Variants in PIK3C2G observed in about 807,000 individuals in gnomAD.
PIK3C2G encodes phosphatidylinositol 3-kinase C2 domain-containing subunit gamma.
PIK3C2G carries 168 observed loss-of-function variants against 181.1 expected under a neutral mutation model. That is an observed-to-expected ratio of 0.93 (90% CI 0.82 to 1.05). PIK3C2G has a LOEUF of 1.05. Among genes scored for constraint, PIK3C2G ranks in the 50% least tolerant of loss-of-function variants. PIK3C2G has a pLI of 0.00. For missense variants in PIK3C2G, 1,869 were observed against 1,732.8 expected, an observed-to-expected ratio of 1.08 and a Z score of -1.40; for synonymous variants, 573 against 592.2, an observed-to-expected ratio of 0.97 and a Z score of 0.47.
At chr12:18,491,406 G>C (rs1592394038) in intron 19 of PIK3C2G, 45 bp from the exon 20 acceptor site, 1 of 1,015,284 alleles carries the variant, frequency 9.8e-7, no homozygotes, top group East Asian at 2.4e-5. Flanking sequence ...GAAAAGTCAA[G>C]TTCTTTACAT....
intron 13 of PIK3C2G, among the ~76,000 whole-genome samples, chr12:18,373,796 T>C (rs1942241565): frequency 6.6e-6 from 1 of 151,638 alleles, no homozygotes; most frequent in African/African-American, 2.4e-5. Context: ...GAGCTTGCAG[T>C]GAGCCAAATT....
intron 24 of PIK3C2G, among the ~76,000 whole-genome samples, chr12:18,535,653 T>A (rs1043807178): frequency 1.3e-5 from 2 of 152,126 alleles, no homozygotes; most frequent in Non-Finnish European, 2.9e-5. Flanking sequence ...AATACTCTTC[T>A]AAAATTATTT....
At chr12:18,426,870 T>C (rs1436019273) in intron 18 of PIK3C2G, among the ~76,000 whole-genome samples, 1 of 152,220 alleles carries the variant, frequency 6.6e-6, no homozygotes, top group Non-Finnish European at 1.5e-5. Context: ...ACAATTCCTC[T>C]AGCATGTTAT....
At chr12:18,333,335 C>T (rs948132909) in intron 8 of PIK3C2G, among the ~76,000 whole-genome samples, 7 of 152,030 alleles carry the variant, frequency 4.6e-5, no homozygotes, top group African/African-American at 1.7e-4. Flanking sequence ...ATGTGCAGAA[C>T]GTGCAGGTTT....
intron 18 of PIK3C2G, among the ~76,000 whole-genome samples, chr12:18,434,665 G>C (rs1157155616): frequency 6.6e-6 from 1 of 152,156 alleles, no homozygotes; most frequent in Non-Finnish European, 1.5e-5. Flanking sequence ...TATATATACA[G>C]AAGCAAAATG....
intron 26 of PIK3C2G, among the ~76,000 whole-genome samples, chr12:18,558,436 T>G (rs1359875069): frequency 6.6e-6 from 1 of 152,306 alleles, no homozygotes; most frequent in Non-Finnish European, 1.5e-5. Context: ...CCCTGTAAAA[T>G]ATATTATTAA....
intron 26 of PIK3C2G, among the ~76,000 whole-genome samples, chr12:18,550,976 A>T (rs752811288): frequency 5.3e-5 from 8 of 151,992 alleles, no homozygotes; most frequent in Non-Finnish European, 1.0e-4. Context: ...ACAACCCAAG[A>T]TTTTTCCTCA....
intron 18 of PIK3C2G, chr12:18,424,705 T>C (rs747179326): frequency 4.7e-6 from 1 of 213,822 alleles, no homozygotes; most frequent in African/African-American, 2.3e-5. Context: ...GGCTTGTCAG[T>C]TGGACAGTTG....
chr12:18,589,974 T>C (rs899172415), intron 29 of PIK3C2G, among the ~76,000 whole-genome samples: 33 of 152,046 alleles, frequency 2.2e-4, no homozygotes, highest in Admixed American at 2.0e-3. Context: ...TTCACTTCTA[T>C]AGTCCATTTT....
the PIK3C2G span, among the ~76,000 whole-genome samples, chr12:18,654,205 T>C: frequency 1.3e-5 from 2 of 150,908 alleles, no homozygotes; most frequent in East Asian, 3.9e-4. Flanking sequence ...AAAAAGTCAA[T>C]ATACTCAGGT....
intron 5 of PIK3C2G, among the ~76,000 whole-genome samples, chr12:18,312,820 C>T (rs967293596): frequency 2.0e-5 from 3 of 151,718 alleles, no homozygotes; most frequent in African/African-American, 4.8e-5. Flanking sequence ...TTAAAAACAA[C>T]GTTAAAATAG....
chr12:18,563,230 T>C, intron 27 of PIK3C2G, 147 bp from the exon 28 acceptor site: 2 of 668,376 alleles, frequency 3.0e-6, no homozygotes, highest in Non-Finnish European at 5.0e-6. Flanking sequence ...TATTTAATTT[T>C]GCCTTTACAA....
chr12:18,362,891 G>C lies in PIK3C2G; in HGVS notation c.1748+5G>C, dbSNP rs1325517743. 1.3e-6 allele frequency: 2 copies of C among 1,491,114 alleles called. No individual in the cohort carries two copies. Among genetic ancestry groups the C allele is most frequent in the African/African-American group, 1.4e-5 (1 of 70,526 alleles). The allele number at this position is 1,491,114 out of a possible 1,614,324, so 92.4% of individuals were successfully genotyped here. The stretch of plus-strand genomic sequence containing the variant: ...CTTGGTCAACTGGAATGAAACGTAA[G>C]TTTAATCTTTACTGTATCTGGATCA... On this transcript the variant is annotated splice_donor_5th_base_variant and intron_variant, in intron 12 of 32. Transcript: ENST00000538779.
intron 8 of PIK3C2G, among the ~76,000 whole-genome samples, chr12:18,337,187 C>G (rs1456853261): frequency 6.6e-6 from 1 of 152,060 alleles, no homozygotes; most frequent in African/African-American, 2.4e-5. Flanking sequence ...AAACATGCTT[C>G]ACACAGAATC....
intron 1 of PIK3C2G, among the ~76,000 whole-genome samples, chr12:18,255,173 A>AC (rs1446416171): frequency 1.3e-5 from 2 of 151,388 alleles, no homozygotes; most frequent in Non-Finnish European, 2.9e-5. Context: ...CTGAGATCGC[A>AC]CCGTTGCACT....
At chr12:18,419,649 C>T (rs1381685077) in intron 16 of PIK3C2G, among the ~76,000 whole-genome samples, 2 of 152,186 alleles carry the variant, frequency 1.3e-5, no homozygotes, top group East Asian at 3.9e-4. Flanking sequence ...CTCAGTAGGT[C>T]TCGTTGCTAG....
chr12:18,609,482 C>A, intron 30 of PIK3C2G, 53 bp from the exon 31 acceptor site: 1 of 990,066 alleles, frequency 1.0e-6, no homozygotes, highest in Non-Finnish European at 1.6e-6. Flanking sequence ...TTTGATTGTT[C>A]CTGTGCTGAG....
At chr12:18,464,259 C>T (rs1937620967) in intron 18 of PIK3C2G, among the ~76,000 whole-genome samples, 1 of 151,978 alleles carries the variant, frequency 6.6e-6, no homozygotes, top group Admixed American at 6.6e-5. Flanking sequence ...TTGTATGTGT[C>T]CTCACGTGGT....
At chr12:18,687,187 G>C in the PIK3C2G span, among the ~76,000 whole-genome samples, 1 of 152,078 alleles carries the variant, frequency 6.6e-6, no homozygotes, top group African/African-American at 2.4e-5. Context: ...CTTTTTCCAT[G>C]ACTTTCGCTC....
Sources: gnomAD v4.1 joint callset for allele counts (sites outside exome capture counted in the v4.1 genomes callset) on GRCh38, gnomAD v4.1.1 for gene constraint, MANE v1.5 for transcripts, NCBI Gene and HGNC (gene_info 2026-07-23, HGNC 2026-07-21) for gene names.